Variants in ZNF385D observed in about 807,000 individuals in gnomAD.
ZNF385D encodes the protein zinc finger protein 659.
In ZNF385D, 15 loss-of-function variants were observed where a neutral mutation model predicts 35.8. The observed-to-expected ratio is 0.42, with a 90% CI of 0.28 to 0.64. The LOEUF is 0.64. Ranked by LOEUF, ZNF385D falls within the 30% of genes least tolerant of loss-of-function variation. ZNF385D has a pLI of 0.23. For missense variants in ZNF385D, 474 were observed against 494.6 expected (o/e 0.96, Z 0.39); for synonymous variants, 212 against 186.8 (o/e 1.13, Z -1.10).
intron 3 of ZNF385D, among the ~76,000 whole-genome samples, chr3:21,948,293 A>G (rs1575985894): frequency 6.6e-6 from 1 of 152,080 alleles, no homozygotes; most frequent in South Asian, 2.1e-4. Flanking sequence ...TCTATGACAT[A>G]AAATGTAAAA....
At chr3:21,860,526 T>C (rs996374476) in intron 3 of ZNF385D, among the ~76,000 whole-genome samples, 2 of 152,116 alleles carry the variant, frequency 1.3e-5, no homozygotes, top group Admixed American at 6.6e-5. Context: ...TAAGTACAGA[T>C]ATCCCCACAT....
At chr3:22,033,230 T>C (rs940371487) in intron 3 of ZNF385D, among the ~76,000 whole-genome samples, 1 of 151,652 alleles carries the variant, frequency 6.6e-6, no homozygotes, top group Admixed American at 6.6e-5. Flanking sequence ...GGTGGAACCC[T>C]GTCTCTACTA....
At chr3:22,325,718 A>G (rs1276304565) in intron 2 of ZNF385D, among the ~76,000 whole-genome samples, 1 of 152,198 alleles carries the variant, frequency 6.6e-6, no homozygotes, top group Non-Finnish European at 1.5e-5. Flanking sequence ...AGATCACGCC[A>G]TTGCACTCCA....
chr3:22,209,908 CGATT>C (rs1188553328), intron 2 of ZNF385D, among the ~76,000 whole-genome samples: 2 of 151,582 alleles, frequency 1.3e-5, no homozygotes, highest in East Asian at 3.9e-4. Flanking sequence ...TCTGGAAGAC[CGATT>C]GTTTACCTTA....
chr3:22,221,066 G>A (rs1011113119), intron 2 of ZNF385D, among the ~76,000 whole-genome samples: 1 of 151,896 alleles, frequency 6.6e-6, no homozygotes, highest in African/African-American at 2.4e-5. Flanking sequence ...CATATAATCA[G>A]ATCTAATGCA....
At chr3:22,115,937 G>A (rs542126329) in intron 3 of ZNF385D, among the ~76,000 whole-genome samples, 10 of 152,086 alleles carry the variant, frequency 6.6e-5, no homozygotes, top group Non-Finnish European at 1.3e-4. Flanking sequence ...AAAGCTGTCC[G>A]AGGTTGCAGC....
rs73033328 is a variant in ZNF385D at position 21,576,773 on chromosome 3, A to G, written c.166-12089T>C. On this transcript the variant is annotated intron_variant, in intron 2 of 7. Coordinates refer to ENST00000281523, the MANE Select transcript of ZNF385D (RefSeq NM_024697.3). ...GAGAAAAGCTACAGTTAGAGAAAAA[A>G]ACAAGACTGAGAAAAAAGAAAGGGA... Among the ~76,000 whole-genome samples the G allele has an allele frequency of 3.2e-3, 483 of 152,310 alleles. 1 individual carries two copies. Among genetic ancestry groups the G allele is most frequent in the Non-Finnish European group, 5.4e-3 (365 of 68,030 alleles).
intron 3 of ZNF385D, among the ~76,000 whole-genome samples, chr3:22,164,247 T>TTTTTTTTTTTG (rs1348547943): frequency 3.2e-5 from 3 of 93,464 alleles, no homozygotes; most frequent in African/African-American, 1.8e-4. Flanking sequence ...TTTTTTTTTT[T>TTTTTTTTTTTG]GAGACGGGGT....
intron 2 of ZNF385D, among the ~76,000 whole-genome samples, chr3:22,206,046 C>A (rs1697129066): frequency 6.6e-6 from 1 of 151,842 alleles, no homozygotes; most frequent in Non-Finnish European, 1.5e-5. Flanking sequence ...ACACACTTTA[C>A]CTGTAAGGAC....
chr3:21,801,472 G>C (rs2072397078), intron 3 of ZNF385D, among the ~76,000 whole-genome samples: 1 of 152,110 alleles, frequency 6.6e-6, no homozygotes, highest in Non-Finnish European at 1.5e-5. Flanking sequence ...TGTTGGAGAT[G>C]TTTGATTAAC....
At chr3:21,435,293 T>C (rs1701493920) in intron 5 of ZNF385D, among the ~76,000 whole-genome samples, 1 of 136,822 alleles carries the variant, frequency 7.3e-6, no homozygotes, top group African/African-American at 2.8e-5. Context: ...AGGGTCTCAC[T>C]GTCAGCCAGG....
At chr3:22,291,732 A>AC (rs976587358) in intron 2 of ZNF385D, among the ~76,000 whole-genome samples, 1 of 152,032 alleles carries the variant, frequency 6.6e-6, no homozygotes, top group Non-Finnish European at 1.5e-5. Context: ...TACTAGAGAT[A>AC]CCATAATGTG....
At chr3:21,720,878 G>C (rs571320144) in intron 1 of ZNF385D, among the ~76,000 whole-genome samples, 1 of 152,244 alleles carries the variant, frequency 6.6e-6, no homozygotes, top group South Asian at 2.1e-4. Context: ...TTTCCATATG[G>C]TGACAAAAAG....
intron 2 of ZNF385D, among the ~76,000 whole-genome samples, chr3:22,211,680 AG>A (rs1240787105): frequency 6.6e-6 from 1 of 151,902 alleles, no homozygotes; most frequent in African/African-American, 2.4e-5. Flanking sequence ...ACCAAGGGAG[AG>A]GGTAGGAAAA....
chr3:21,537,948 C>A (rs978636274), intron 3 of ZNF385D, among the ~76,000 whole-genome samples: 1 of 151,928 alleles, frequency 6.6e-6, no homozygotes, highest in Non-Finnish European at 1.5e-5. Flanking sequence ...AGATGAGAGA[C>A]AATGGTGGCT....
At chr3:22,178,176 G>C (rs918937612) in intron 2 of ZNF385D, among the ~76,000 whole-genome samples, 1 of 152,152 alleles carries the variant, frequency 6.6e-6, no homozygotes, top group African/African-American at 2.4e-5. Flanking sequence ...TTCCACAATG[G>C]TTGAACTAGT....
rs565181769 is a variant in ZNF385D at position 21,448,039 on chromosome 3, C to T, written c.440-10836G>A. ...TTATAATACTTAGCATTTTTCATTA[C>T]AGTGTTAGTATTTCATAGATTAGCT... On this transcript the variant is annotated intron_variant, in intron 4 of 7. Coordinates refer to ENST00000281523, the MANE Select transcript of ZNF385D (RefSeq NM_024697.3). Among the ~76,000 whole-genome samples, 7 of 152,208 alleles carry T rather than the reference C, an allele frequency of 4.6e-5. No individual in the cohort carries two copies. In the South Asian group the frequency reaches 1.5e-3, roughly 32 times the overall value.
At chr3:21,637,914 G>C (rs1447605511) in intron 2 of ZNF385D, among the ~76,000 whole-genome samples, 1 of 152,028 alleles carries the variant, frequency 6.6e-6, no homozygotes, top group African/African-American at 2.4e-5. Flanking sequence ...CTGACTCTGG[G>C]TTTAAGCTGA....
chr3:22,177,441 A>G (rs1694911903), intron 2 of ZNF385D, among the ~76,000 whole-genome samples: 2 of 152,200 alleles, frequency 1.3e-5, no homozygotes, highest in Non-Finnish European at 2.9e-5. Context: ...TTAAAAAGTC[A>G]TATGACAAAT....
Sources: gnomAD v4.1 joint callset for allele counts (sites outside exome capture counted in the v4.1 genomes callset) on GRCh38, gnomAD v4.1.1 for gene constraint, MANE v1.5 for transcripts, NCBI Gene and HGNC (gene_info 2026-07-23, HGNC 2026-07-21) for gene names.